FMN1: variants seen among roughly 807,000 people sequenced by gnomAD.
The protein encoded by FMN1 is formin 1, also known as formin-1.
In FMN1, 110 loss-of-function variants were observed where a neutral mutation model predicts 132.4. The observed-to-expected ratio is 0.83, with a 90% CI of 0.71 to 0.97. The LOEUF (loss-of-function observed/expected upper bound fraction) is 0.97. FMN1 is among the 50% of genes least tolerant of loss of function. The pLI is 0.00. For synonymous variants in FMN1, 722 were observed against 651.7 expected (o/e 1.11, Z -1.64); for missense variants, 1,792 against 1,705.3 (o/e 1.05, Z -0.90).
chr15:32,783,667 CGG>C (rs2056744998), intron 19 of FMN1, among the ~76,000 whole-genome samples: 1 of 140,604 alleles, frequency 7.1e-6, no homozygotes, highest in African/African-American at 2.7e-5. Context: ...GGCGTGAACC[CGG>C]GGTCGGGGGA....
chr15:32,827,748 G>A (rs1318726462), intron 17 of FMN1, among the ~76,000 whole-genome samples: 1 of 152,074 alleles, frequency 6.6e-6, no homozygotes, highest in East Asian at 1.9e-4. Context: ...GGAGGCTGAG[G>A]CAGGAGAATG....
chr15:32,891,423 TAG>T (rs1402347581), intron 15 of FMN1, among the ~76,000 whole-genome samples: 4 of 152,352 alleles, frequency 2.6e-5, no homozygotes, highest in African/African-American at 9.6e-5. Flanking sequence ...AATTTATTTT[TAG>T]TAGAGACGGG....
At chr15:33,090,784 G>C (rs561509698) in intron 4 of FMN1, among the ~76,000 whole-genome samples, 1 of 152,256 alleles carries the variant, frequency 6.6e-6, no homozygotes, top group African/African-American at 2.4e-5. Flanking sequence ...GAACCTCAGG[G>C]AGAAGGCACT....
At chr15:32,975,086 C>T (rs933850621) in intron 7 of FMN1, among the ~76,000 whole-genome samples, 1 of 152,174 alleles carries the variant, frequency 6.6e-6, no homozygotes, top group Non-Finnish European at 1.5e-5. Context: ...CTTAGAGAAC[C>T]TTTTATCCAT....
chr15:33,028,241 G>A (rs184458532), intron 6 of FMN1, among the ~76,000 whole-genome samples: 13 of 152,272 alleles, frequency 8.5e-5, no homozygotes, highest in African/African-American at 2.9e-4. Flanking sequence ...GTCAAGAACT[G>A]CATTTGTAAG....
At chr15:33,013,030 A>G (rs1295671654) in intron 6 of FMN1, 3 of 414,144 alleles carry the variant, frequency 7.2e-6, no homozygotes, top group Admixed American at 5.7e-5. Flanking sequence ...AGGAGGCTAT[A>G]GGGGTAGCAC....
chr15:33,024,537 C>T (rs345859), intron 6 of FMN1, among the ~76,000 whole-genome samples: 58,993 of 151,906 alleles, frequency 0.39, 11,872 homozygotes, highest in Admixed American at 0.48. Context: ...TGAGCCACCA[C>T]GCCTGGCCCA....
chr15:32,949,642 C>T (rs1047236848), intron 9 of FMN1, among the ~76,000 whole-genome samples: 22 of 151,868 alleles, frequency 1.4e-4, no homozygotes, highest in Non-Finnish European at 2.4e-4. Context: ...GACACAGGCA[C>T]AGGCAAATAT....
intron 10 of FMN1, among the ~76,000 whole-genome samples, chr15:32,911,015 A>G (rs894833791): frequency 2.0e-5 from 3 of 152,264 alleles, no homozygotes; most frequent in African/African-American, 4.8e-5. Context: ...GCCACTGCCA[A>G]CATCTTGTTT....
intron 4 of FMN1, among the ~76,000 whole-genome samples, chr15:33,119,080 T>C (rs763435932): frequency 3.9e-5 from 6 of 152,186 alleles, no homozygotes; most frequent in Non-Finnish European, 5.9e-5. Context: ...ACAATGACTT[T>C]TCAGCTAGAA....
chr15:32,960,187 T>TA (rs1330775613), intron 9 of FMN1, among the ~76,000 whole-genome samples: 5 of 152,218 alleles, frequency 3.3e-5, no homozygotes, highest in African/African-American at 1.2e-4. Flanking sequence ...CTATTTGTAT[T>TA]AATCCATTTT....
intron 9 of FMN1, among the ~76,000 whole-genome samples, chr15:32,944,954 C>G (rs2061477724): frequency 1.3e-5 from 2 of 152,214 alleles, no homozygotes; most frequent in East Asian, 1.9e-4. Context: ...CCAGAGCTAC[C>G]AAAGCTTGGC....
intron 9 of FMN1, among the ~76,000 whole-genome samples, chr15:32,946,343 A>G (rs1273421526): frequency 6.6e-6 from 1 of 152,192 alleles, no homozygotes; most frequent in African/African-American, 2.4e-5. Context: ...GTCTACACCC[A>G]TCTTGACTGG....
chr15:33,128,835 T>A (rs2085182), intron 4 of FMN1, among the ~76,000 whole-genome samples: 1 of 151,700 alleles, frequency 6.6e-6, no homozygotes, highest in Non-Finnish European at 1.5e-5. Context: ...GCCTCCGCAA[T>A]GCGGAAGACA....
At chr15:33,054,994 ACT>A (rs2037150922) in intron 6 of FMN1, among the ~76,000 whole-genome samples, 2 of 152,088 alleles carry the variant, frequency 1.3e-5, no homozygotes, top group African/African-American at 4.8e-5. Context: ...ATCTGAATGG[ACT>A]CTCTCCTCAG....
intron 7 of FMN1, among the ~76,000 whole-genome samples, chr15:32,981,892 G>C (rs531210293): frequency 1.8e-4 from 28 of 152,134 alleles, no homozygotes; most frequent in African/African-American, 6.5e-4. Context: ...TTTAAAAACT[G>C]ATCAATTAGA....
At chr15:33,105,477 T>C (rs2039449579) in intron 4 of FMN1, among the ~76,000 whole-genome samples, 1 of 152,130 alleles carries the variant, frequency 6.6e-6, no homozygotes. Flanking sequence ...TGGTTCAGAC[T>C]TCTCAGAAAT....
At chr15:33,056,352 G>A (rs773101924) in intron 6 of FMN1, among the ~76,000 whole-genome samples, 9 of 152,208 alleles carry the variant, frequency 5.9e-5, no homozygotes, top group Non-Finnish European at 1.3e-4. Flanking sequence ...GCAGTCTCCT[G>A]GGCCAAAGCA....
At position 33,188,801 on chromosome 15, in the gene FMN1, C is replaced by T. The variant is rs114963066; in HGVS notation, c.-197+5108G>A. Among the ~76,000 whole-genome samples, 1,249 of 152,114 alleles carry T rather than the reference C, an allele frequency of 8.2e-3. 10 individuals carry two copies. The highest frequency in any genetic ancestry group is 0.028 in the African/African-American group (1,167 of 41,506). Reference sequence around the variant, plus strand: ...AAGAGAAGTTGAGTGATGTAATGAACAAAGCCCAGGGAGTCAGGTGACCTG... The same window carrying T: ...AAGAGAAGTTGAGTGATGTAATGAATAAAGCCCAGGGAGTCAGGTGACCTG... On this transcript the variant is annotated intron_variant, in intron 2 of 20. Transcript: ENST00000616417.
Sources: allele counts gnomAD v4.1 joint callset (sites outside exome capture counted in the v4.1 genomes callset), GRCh38; gene constraint gnomAD v4.1.1; transcripts MANE v1.5; gene names NCBI Gene and HGNC (gene_info 2026-07-23, HGNC 2026-07-21).